UNC45A: variants seen among roughly 807,000 people sequenced by gnomAD.
UNC45A encodes the protein protein unc-45 homolog A.
In UNC45A, 78 loss-of-function variants were observed where a neutral mutation model predicts 103.2. The ratio of observed to expected loss-of-function variants is 0.76; its 90% confidence interval spans 0.63 to 0.91. The LOEUF is 0.91. UNC45A is among the 40% of genes least tolerant of loss of function. The pLI is 0.00. For missense variants in UNC45A, 1,193 were observed against 1,224.8 expected (o/e 0.97, Z 0.39); for synonymous variants, 495 against 504.6 (o/e 0.98, Z 0.25).
rs1250206859 is a variant in UNC45A at position 90,949,319 on chromosome 15, A to T, written c.1882A>T (p.Lys628Ter). ...CCTAAGCTGCCTCCTCCCCCAGGACAAGCCAAGCTTCGTGCGGGCTCGGGT... is the reference window on the plus strand; with the variant it reads ...CCTAAGCTGCCTCCTCCCCCAGGACTAGCCAAGCTTCGTGCGGGCTCGGGT... The part of the protein sequence containing the change: ...QHVPEQHPKD[K>*]PSFVRARVKK... Residue 628 changes from lysine (K) to a stop codon, truncating the protein, a stop_gained, in exon 14 of 20, where the codon AAG becomes TAG. Coordinates refer to ENST00000418476, the MANE Select transcript of UNC45A (RefSeq NM_018671.5). LOFTEE classifies it high-confidence loss of function. The T allele has an allele frequency of 6.2e-7, 1 of 1,611,722 alleles. No individual in the cohort carries two copies. Among genetic ancestry groups the T allele is most frequent in the Admixed American group, 1.7e-5 (1 of 60,012 alleles).
At chr15:90,946,942 G>GGGGGCTGGGGGGGGGGGGC in intron 10 of UNC45A, 28 bp downstream of exon 10, 1 of 817,444 alleles carries the variant, frequency 1.2e-6, no homozygotes, top group Non-Finnish European at 2.0e-6. Flanking sequence ...GGGTGGGTGG[G>GGGGGCTGGGGGGGGGGGGC]CAGGCAGCCA....
Position 90,946,799 on chromosome 15 carries a change from T to C in UNC45A, c.1385T>C (p.Ile462Thr), listed in dbSNP as rs764482684. The C allele has an allele frequency of 6.2e-7, 1 of 1,614,178 alleles. No homozygotes were observed. ...CAGCTGGTGGCCGTGGAGGCTCTGA[T>C]CCATGCAGCCGGCAAGGCTAAGCGG... ...EEQLVAVEALIHAAGKAKRAS... is the reference protein window; with the variant it reads ...EEQLVAVEALTHAAGKAKRAS... Residue 462 changes from isoleucine to threonine, a missense_variant, in exon 10 of 20, where the codon ATC becomes ACC. Transcript: ENST00000418476.
At chr15:90,942,336 A>G (rs1249059327) in intron 6 of UNC45A, 101 bp from the exon 7 acceptor site, 6 of 1,375,698 alleles carry the variant, frequency 4.4e-6, no homozygotes, top group African/African-American at 1.5e-5. Context: ...CTTCCACCCA[A>G]TTCTCTCCTT....
At chr15:90,934,191 A>G, upstream of UNC45A, 2 of 399,582 alleles carry the variant, frequency 5.0e-6, no homozygotes, top group Non-Finnish European at 8.8e-6. Flanking sequence ...GCTATGGGCT[A>G]TTCCTGGGAA....
upstream of UNC45A, chr15:90,932,027 G>C: frequency 6.2e-7 from 1 of 1,613,956 alleles, no homozygotes; most frequent in Non-Finnish European, 8.5e-7. Flanking sequence ...CCCATCCCAG[G>C]CTCCTGGCAG....
intron 3 of UNC45A, 151 bp downstream of exon 3, chr15:90,936,133 G>T: frequency 2.0e-6 from 3 of 1,502,016 alleles, no homozygotes; most frequent in Non-Finnish European, 2.7e-6. Flanking sequence ...TTCCTTTTCT[G>T]CAGCTACCCT....
At position 90,949,684 on chromosome 15, in the gene UNC45A, G is replaced by A. The variant is rs771589610; in HGVS notation, c.2037G>A (p.Glu679=). Residue 679 remains glutamate, a synonymous_variant, in exon 15 of 20, where the codon GAG becomes GAA. Coordinates refer to ENST00000418476, the MANE Select transcript of UNC45A (RefSeq NM_018671.5). ...RVFLALVEEV[E]DRGTVVAQGG... is the part of the protein sequence containing the mutation. ...TCTTGGCTTTAGTGGAAGAGGTAGA[G>A]GACCGAGGCACTGTGGTTGCCCAGG... 1 of 1,614,182 alleles carries A rather than the reference G, an allele frequency of 6.2e-7. No individual in the cohort carries two copies. Among genetic ancestry groups the A allele is most frequent in the Non-Finnish European group, 8.5e-7 (1 of 1,180,040 alleles).
chr15:90,939,912 G>T (rs537679323), intron 5 of UNC45A, 89 bp downstream of exon 5: 11 of 1,237,712 alleles, frequency 8.9e-6, no homozygotes, highest in Admixed American at 2.2e-5. Flanking sequence ...TTGCTCTGCC[G>T]CTCCTCCAAT....
rs570193479 is a variant in UNC45A, at chr15:90,943,076, G to A, written c.1021G>A (p.Asp341Asn). Residue 341 changes from aspartate (D) to asparagine (N), a missense_variant, in exon 8 of 20, where the codon GAC (aspartate) becomes AAC (asparagine). By Grantham distance (23) the Asp-to-Asn change is conservative. Transcript: ENST00000418476. Reference sequence around the variant, plus strand: ...CAACAGCCTCACCCTCTGGGTCATCGACCAAGGTAGGTGATATAGTTCACA... The same window carrying A: ...CAACAGCCTCACCCTCTGGGTCATCAACCAAGGTAGGTGATATAGTTCACA... ...PNNSLTLWVI[D>N]QGLKKILEVG... 2.4e-5 allele frequency: 39 copies of A among 1,610,300 alleles called. No individual in the cohort carries two copies. The highest frequency in any genetic ancestry group is 3.1e-5 in the Non-Finnish European group (36 of 1,177,998).
intron 17 of UNC45A, 178 bp from the exon 18 acceptor site, chr15:90,952,751 A>G: frequency 3.3e-6 from 2 of 610,966 alleles, no homozygotes. Context: ...TTAAATAACC[A>G]GATCTCACGA....
At position 90,936,238 on chromosome 15, in the gene UNC45A, G is replaced by A. The variant is rs761682114; in HGVS notation, c.251-47G>A. On this transcript the variant is annotated intron_variant, in intron 3 of 19. Transcript: ENST00000418476. ...GATCTTTCCCTACTGCTCTTGCCTG[G>A]AGACAGTGGCCTCATGGGTGCTGAC... 8 of 1,579,430 alleles carry A rather than the reference G, an allele frequency of 5.1e-6. No individual in the cohort carries two copies. The South Asian group carries it at 8.1e-5, about 16-fold the overall frequency.
Position 90,939,734 on chromosome 15 carries a change from C to A in UNC45A, c.430C>A (p.Arg144=). 6.2e-7 allele frequency: 1 copy of A among 1,614,046 alleles called. No homozygotes were observed. The highest frequency in any genetic ancestry group is 8.5e-7 in the Non-Finnish European group (1 of 1,179,992). The change falls in exon 5 of 20, where the codon CGA becomes AGA. Residue 144 remains arginine (R), a synonymous_variant. Coordinates refer to ENST00000418476, the MANE Select transcript of UNC45A (RefSeq NM_018671.5). ...CATGCTTTGTTGGTTTGTCTAGGTG[C>A]GATACATGTCCTCGACGGATGCCAA... ...NIGGQIQEKV[R]YMSSTDAKVE...
rs769380119 is a variant in UNC45A at position 90,935,913 on chromosome 15, C to A, written c.214-33C>A. On this transcript the variant is annotated intron_variant, in intron 2 of 19. Transcript: ENST00000418476. ...GGTTAGTGCCCCGAGAGGGAGATGA[C>A]CATTCCTTCAGGCTCCTGTCTTTCT... 7 of 1,613,716 alleles carry A rather than the reference C, an allele frequency of 4.3e-6. No individual in the cohort carries two copies. In the African/African-American group the frequency reaches 9.3e-5, roughly 22 times the overall value.
chr15:90,950,400 G>A (rs1057010319), intron 16 of UNC45A, 100 bp from the exon 17 acceptor site: 1 of 1,470,166 alleles, frequency 6.8e-7, no homozygotes, highest in Middle Eastern at 1.7e-4. Flanking sequence ...GACAGCCTGA[G>A]ACAGCAGTAC....
rs1347622165 is a variant in UNC45A, at chr15:90,953,220, G to A, written c.2487G>A (p.Glu829=). 7.4e-6 allele frequency: 12 copies of A among 1,613,938 alleles called. No individual in the cohort carries two copies. The highest frequency in any genetic ancestry group is 5.9e-6 in the Non-Finnish European group (7 of 1,180,036). ...AGCTGCTGGTGCTGTACAGTGGAGAGGATGATGAGCTGCTACAGCGGGCAG... is the reference window on the plus strand; with the variant it reads ...AGCTGCTGGTGCTGTACAGTGGAGAAGATGATGAGCTGCTACAGCGGGCAG... ...RLKLLVLYSG[E]DDELLQRAAA... is the part of the protein sequence containing the mutation. The change falls in exon 19 of 20, where the codon GAG becomes GAA. Residue 829 remains glutamate, a synonymous_variant. Coordinates refer to ENST00000418476, the MANE Select transcript of UNC45A (RefSeq NM_018671.5).
chr15:90,941,274 G>A (rs576432035), intron 6 of UNC45A, among the ~76,000 whole-genome samples: 1 of 152,268 alleles, frequency 6.6e-6, no homozygotes, highest in South Asian at 2.1e-4. Context: ...AGCATGGATG[G>A]TGGTGGCCCA....
At chr15:90,939,104 C>T (rs779102132) in intron 4 of UNC45A, among the ~76,000 whole-genome samples, 16 of 152,002 alleles carry the variant, frequency 1.1e-4, no homozygotes, top group Non-Finnish European at 1.5e-4. Flanking sequence ...CTCAGCCTCC[C>T]GAGTAGCTGG....
chr15:90,950,208 C>A lies in UNC45A; in HGVS notation c.2128C>A (p.Gln710Lys). ...GTDVGQTKAA[Q>K]ALAKLTITSN... is the part of the protein sequence containing the mutation. ...GGACGTGGGGCAGACAAAGGCAGCC[C>A]AGGCCCTTGCCAAGCTCACCATCAC... Residue 710 changes from glutamine (Q) to lysine (K), a missense_variant, in exon 16 of 20, where the codon CAG becomes AAG. Physicochemically the swap from Gln to Lys is moderately conservative, Grantham distance 53 (BLOSUM62 1). Transcript: ENST00000418476. 1 of 1,551,744 alleles carries A rather than the reference C, an allele frequency of 6.4e-7. No individual in the cohort carries two copies. Among genetic ancestry groups the A allele is most frequent in the Non-Finnish European group, 8.7e-7 (1 of 1,147,004 alleles).
chr15:90,945,160 C>G, intron 9 of UNC45A, 97 bp downstream of exon 9: 1 of 1,492,322 alleles, frequency 6.7e-7, no homozygotes, highest in Non-Finnish European at 9.0e-7. Flanking sequence ...CCAGCAGAAA[C>G]AGTAATCTTG....
Sources: gnomAD v4.1 joint callset for allele counts (sites outside exome capture counted in the v4.1 genomes callset) on GRCh38, gnomAD v4.1.1 for gene constraint, MANE v1.5 for transcripts, NCBI Gene and HGNC (gene_info 2026-07-23, HGNC 2026-07-21) for gene names.